The following RALGPS2 variants were observed in gnomAD, a reference collection of about 807,000 sequenced individuals.
RALGPS2 encodes Ral GEF with PH domain and SH3 binding motif 2, also known as ras-specific guanine nucleotide-releasing factor RalGPS2.
RALGPS2 carries 43 observed loss-of-function variants against 86.8 expected under a neutral mutation model. The observed-to-expected ratio is 0.50, with a 90% CI of 0.39 to 0.64. The LOEUF (loss-of-function observed/expected upper bound fraction) is 0.64. Among genes scored for constraint, RALGPS2 ranks in the 30% least tolerant of loss-of-function variants. The pLI is 0.00. For synonymous variants in RALGPS2, 243 were observed against 231.3 expected (o/e 1.05, Z -0.46); for missense variants, 536 against 694.6 (o/e 0.77, Z 2.57).
chr1:178,912,477 G>A (rs1660663690), intron 19 of RALGPS2, among the ~76,000 whole-genome samples: 1 of 152,028 alleles, frequency 6.6e-6, no homozygotes, highest in African/African-American at 2.4e-5. Flanking sequence ...ATTCTTAGTT[G>A]GAATTTCTTT....
intron 2 of RALGPS2, 136 bp downstream of exon 2, chr1:178,776,957 A>AT (rs896157088): frequency 4.4e-4 from 282 of 641,654 alleles, no homozygotes; most frequent in Non-Finnish European, 4.9e-4. Context: ...TTTAAATTTT[A>AT]TTTTTTTTTA....
intron 4 of RALGPS2, among the ~76,000 whole-genome samples, chr1:178,803,279 G>T (rs1654570013): frequency 6.6e-6 from 1 of 152,132 alleles, no homozygotes; most frequent in South Asian, 2.1e-4. Context: ...AATGAAATCA[G>T]CCTTTTGTGT....
rs779439672 is a variant in RALGPS2, at chr1:178,894,007, G to A, written c.1414G>A (p.Glu472Lys). Residue 472 changes from glutamate (E) to lysine (K), a missense_variant, in exon 16 of 20, where the codon GAA becomes AAA. By Grantham distance (56) the Glu-to-Lys change is moderately conservative (BLOSUM62 1). Coordinates refer to ENST00000367635, the MANE Select transcript of RALGPS2 (RefSeq NM_152663.5). The part of the protein sequence containing the change: ...GVLRRKTLLK[E>K]GKKPTVASWT... ...TCTCAGGAGAAAAACTTTGTTAAAAGAAGGCAAAAAGCCTACAGTAAGATT... is the reference window on the plus strand; with the variant it reads ...TCTCAGGAGAAAAACTTTGTTAAAAAAAGGCAAAAAGCCTACAGTAAGATT... 1.3e-6 allele frequency: 2 copies of A among 1,594,846 alleles called. No individual in the cohort carries two copies. The highest frequency in any genetic ancestry group is 1.7e-6 in the Non-Finnish European group (2 of 1,165,928).
intron 8 of RALGPS2, among the ~76,000 whole-genome samples, chr1:178,873,340 T>C (rs1658854893): frequency 6.6e-6 from 1 of 152,164 alleles, no homozygotes; most frequent in Non-Finnish European, 1.5e-5. Context: ...CAGAAACATT[T>C]ATTACATAGA....
At chr1:178,824,905 G>C (rs1017014318) in intron 7 of RALGPS2, among the ~76,000 whole-genome samples, 1 of 152,158 alleles carries the variant, frequency 6.6e-6, no homozygotes, top group East Asian at 1.9e-4. Flanking sequence ...GGTAGATTTC[G>C]TGGTGGGATT....
At chr1:178,803,644 A>G (rs1654592482) in intron 4 of RALGPS2, among the ~76,000 whole-genome samples, 2 of 152,142 alleles carry the variant, frequency 1.3e-5, no homozygotes, top group South Asian at 4.1e-4. Flanking sequence ...TAGCTAGGCT[A>G]ATTGAATATC....
chr1:178,893,651 A>G (rs1659814198), intron 15 of RALGPS2, among the ~76,000 whole-genome samples: 2 of 151,932 alleles, frequency 1.3e-5, no homozygotes, highest in Admixed American at 6.6e-5. Flanking sequence ...ACTAAAGTGA[A>G]TTACTGCATT....
chr1:178,906,359 A>C (rs1660386200), intron 18 of RALGPS2, among the ~76,000 whole-genome samples: 1 of 151,876 alleles, frequency 6.6e-6, no homozygotes, highest in Non-Finnish European at 1.5e-5. Context: ...TGGGCGACAG[A>C]GCGAGACTCC....
At position 178,879,006 on chromosome 1, in the gene RALGPS2, T is replaced by A; in HGVS notation, c.836+14T>A. The A allele has an allele frequency of 6.2e-7, 1 of 1,611,282 alleles. No individual in the cohort carries two copies. Among genetic ancestry groups the A allele is most frequent in the Non-Finnish European group, 8.5e-7 (1 of 1,178,882 alleles). ...CGATAATTACAAGTAGGTTGGATCTTCAAAAGTGGTTTGTATAACTTTGTC... is the reference window on the plus strand; with the variant it reads ...CGATAATTACAAGTAGGTTGGATCTACAAAAGTGGTTTGTATAACTTTGTC... On this transcript the variant is annotated intron_variant, in intron 10 of 19. Transcript: ENST00000367635.
At chr1:178,795,878 A>C (rs917611760) in intron 4 of RALGPS2, among the ~76,000 whole-genome samples, 11 of 152,328 alleles carry the variant, frequency 7.2e-5, no homozygotes, top group African/African-American at 2.2e-4. Flanking sequence ...CCTTGTTTTA[A>C]TGAAAATTAA....
chr1:178,854,221 A>G (rs925785029), intron 8 of RALGPS2, among the ~76,000 whole-genome samples: 1 of 152,122 alleles, frequency 6.6e-6, no homozygotes, highest in Non-Finnish European at 1.5e-5. Flanking sequence ...TCATTTTTTA[A>G]TATTATAAAA....
chr1:178,770,492 T>A (rs1261270503), intron 1 of RALGPS2, among the ~76,000 whole-genome samples: 1 of 151,878 alleles, frequency 6.6e-6, no homozygotes, highest in Non-Finnish European at 1.5e-5. Flanking sequence ...TTAAGATTAG[T>A]TTGCATACTT....
At position 178,754,194 on chromosome 1, in the gene RALGPS2, C is replaced by T. The variant is rs1651836873; in HGVS notation, c.-83-22488C>T. On this transcript the variant is annotated intron_variant, in intron 1 of 19. Coordinates refer to ENST00000367635, the MANE Select transcript of RALGPS2 (RefSeq NM_152663.5). ...AGAATTTACAGTGTATTAGGGTTCT[C>T]CAGAGAAACAGAATGAATAGGATGT... 2.6e-5 allele frequency among the ~76,000 whole-genome samples: 4 copies of T among 151,196 alleles called. No homozygotes were observed. The South Asian group carries it at 8.4e-4, about 32-fold the overall frequency.
At chr1:178,892,947 T>C (rs1434888179) in intron 15 of RALGPS2, among the ~76,000 whole-genome samples, 1 of 152,136 alleles carries the variant, frequency 6.6e-6, no homozygotes, top group Non-Finnish European at 1.5e-5. Flanking sequence ...GTCAGTTTGA[T>C]GGTGTCTAAT....
At chr1:178,894,161 T>C (rs1209004604) in intron 16 of RALGPS2, 137 bp downstream of exon 16, 3 of 556,668 alleles carry the variant, frequency 5.4e-6, no homozygotes, top group Non-Finnish European at 9.1e-6. Context: ...GGTCCTCCCC[T>C]CTTATCCTTG....
chr1:178,766,620 A>C (rs1427828957), intron 1 of RALGPS2, among the ~76,000 whole-genome samples: 1 of 152,314 alleles, frequency 6.6e-6, no homozygotes, highest in African/African-American at 2.4e-5. Flanking sequence ...TACAGCCATT[A>C]GCCTGATGGG....
At chr1:178,910,799 T>G (rs1660591087) in intron 19 of RALGPS2, among the ~76,000 whole-genome samples, 1 of 152,184 alleles carries the variant, frequency 6.6e-6, no homozygotes, top group South Asian at 2.1e-4. Flanking sequence ...AGGAGTCTTT[T>G]CTTTCTCGAT....
intron 1 of RALGPS2, among the ~76,000 whole-genome samples, chr1:178,767,358 C>CTTTTTTTTT (rs1159630163): frequency 2.8e-4 from 20 of 70,448 alleles, no homozygotes; most frequent in Non-Finnish European, 3.6e-4. Flanking sequence ...TGTCCTTTGG[C>CTTTTTTTTT]TTTTTTTTTT....
chr1:178,862,243 C>T (rs1484248792), intron 8 of RALGPS2, among the ~76,000 whole-genome samples: 1 of 151,808 alleles, frequency 6.6e-6, no homozygotes, highest in Non-Finnish European at 1.5e-5. Flanking sequence ...TAACTTAGAA[C>T]AGTATAAAAT....
Sources: gnomAD v4.1 joint callset for allele counts (sites outside exome capture counted in the v4.1 genomes callset) on GRCh38, gnomAD v4.1.1 for gene constraint, MANE v1.5 for transcripts, NCBI Gene and HGNC (gene_info 2026-07-23, HGNC 2026-07-21) for gene names.